Variants in TFR2 observed in about 807,000 individuals in gnomAD.
The protein encoded by TFR2 is transferrin receptor 2.
Under a neutral mutation model 91.9 loss-of-function variants are expected in TFR2, and 64 were observed. The ratio of observed to expected loss-of-function variants is 0.70; its 90% confidence interval spans 0.57 to 0.86. The LOEUF (loss-of-function observed/expected upper bound fraction) is 0.86. Among genes scored for constraint, TFR2 ranks in the 40% least tolerant of loss-of-function variants. The probability of loss-of-function intolerance (pLI) is 0.00; values close to 1 mark genes in which losing one functional copy is unlikely to be tolerated. For synonymous variants in TFR2, 454 were observed against 459.6 expected, an observed-to-expected ratio of 0.99 and a Z score of 0.15; for missense variants, 950 against 1,080.5, an observed-to-expected ratio of 0.88 and a Z score of 1.69.
At position 100,633,317 on chromosome 7, in the gene TFR2, CA is replaced by C; in HGVS notation, c.637del (p.Trp213GlyfsTer65). Reference protein sequence around the residue: ...PDPAHPNTLHWVDEAGKVGEQ... With the variant: ...PDPAHPNTLHXVDEAGKVGEQ... ...TCCGACCTTCCCGGCCTCATCGACCCAGTGCAGGGTGTTGGGGTGAGCCCTG... is the reference window on the plus strand; with the variant it reads ...TCCGACCTTCCCGGCCTCATCGACCCGTGCAGGGTGTTGGGGTGAGCCCTG... On this transcript the variant is annotated frameshift_variant, in exon 5 of 18. Transcript: ENST00000223051. LOFTEE classifies it high-confidence loss of function. 1 of 1,613,582 alleles carries C rather than the reference CA, an allele frequency of 6.2e-7. No homozygotes were observed. Among genetic ancestry groups the C allele is most frequent in the East Asian group, 2.2e-5 (1 of 44,866 alleles).
chr7:100,633,019 C>T lies in TFR2; in HGVS notation c.831G>A (p.Val277=). Residue 277 remains valine (V), a synonymous_variant, in exon 6 of 18, where the codon GTG becomes GTA. Coordinates refer to ENST00000223051, the MANE Select transcript of TFR2 (RefSeq NM_003227.4). ...CACTTACCTTCTGGGCGAAGCTGAT[C>T]ACCCCCACGCGCACCAGCAGCAGGC... The part of the protein sequence containing the change: ...VGRLLLVRVG[V]ISFAQKVTNA... The T allele has an allele frequency of 6.2e-7, 1 of 1,613,808 alleles. No homozygotes were observed. The highest frequency in any genetic ancestry group is 1.1e-5 in the South Asian group (1 of 91,090).
At chr7:100,632,777 CA>C (rs1803485087) in intron 6 of TFR2, 4 of 477,026 alleles carry the variant, frequency 8.4e-6, no homozygotes, top group East Asian at 3.9e-5. Context: ...AGGGGGTTCT[CA>C]CCGTGTTGCC....
intron 3 of TFR2, among the ~76,000 whole-genome samples, chr7:100,637,908 C>G (rs1296639292): frequency 6.6e-6 from 1 of 151,682 alleles, no homozygotes. Flanking sequence ...GTTGACTCAC[C>G]GCAACCTCCG....
At chr7:100,641,358 G>A in intron 1 of TFR2, 119 bp downstream of exon 1, 2 of 1,440,486 alleles carry the variant, frequency 1.4e-6, no homozygotes, top group Non-Finnish European at 1.9e-6. Flanking sequence ...GGAGGGGCAG[G>A]GGTGGGAAGA....
intron 3 of TFR2, chr7:100,640,388 C>T (rs1376518885): frequency 2.4e-6 from 1 of 420,082 alleles, no homozygotes; most frequent in Non-Finnish European, 4.3e-6. Flanking sequence ...GTGAGGCATT[C>T]AAGGCTTTTC....
intron 17 of TFR2, among the ~76,000 whole-genome samples, chr7:100,625,055 TTTTC>T: frequency 8.9e-6 from 1 of 112,434 alleles, no homozygotes; most frequent in South Asian, 2.9e-4. Context: ...TTCTTTTTCT[TTTTC>T]TTTTTTTTTT....
chr7:100,621,586 A>G (rs1267124353), intron 17 of TFR2, among the ~76,000 whole-genome samples: 2 of 152,134 alleles, frequency 1.3e-5, no homozygotes. Flanking sequence ...CTAAGCCTGC[A>G]TGTAGTTCTC....
intron 3 of TFR2, among the ~76,000 whole-genome samples, chr7:100,638,004 T>C (rs990113732): frequency 1.3e-5 from 2 of 151,542 alleles, no homozygotes; most frequent in Non-Finnish European, 2.9e-5. Flanking sequence ...GCTAATTTTG[T>C]ATTTGTTTTG....
intron 6 of TFR2, 140 bp downstream of exon 6, chr7:100,632,861 G>A: frequency 1.4e-6 from 2 of 1,443,254 alleles, no homozygotes; most frequent in South Asian, 1.2e-5. Context: ...GAGAACCATC[G>A]TGCCCAGCTT....
chr7:100,631,347 G>A (rs977207334), intron 8 of TFR2, among the ~76,000 whole-genome samples: 4 of 140,756 alleles, frequency 2.8e-5, no homozygotes, highest in Non-Finnish European at 6.0e-5. Context: ...TCAGGGTCCC[G>A]GCCAGGCATG....
chr7:100,621,823 C>T (rs974939800), intron 17 of TFR2, among the ~76,000 whole-genome samples: 2 of 152,144 alleles, frequency 1.3e-5, no homozygotes, highest in Non-Finnish European at 2.9e-5. Flanking sequence ...CCTGAGACGG[C>T]CTTGCTCCTG....
intron 3 of TFR2, among the ~76,000 whole-genome samples, chr7:100,635,237 G>T (rs1312045388): frequency 6.6e-6 from 1 of 151,110 alleles, no homozygotes; most frequent in African/African-American, 2.4e-5. Flanking sequence ...ATGGCGCCCG[G>T]CCCCTTTTCT....
At chr7:100,621,330 T>G (rs1272574539) in intron 17 of TFR2, among the ~76,000 whole-genome samples, 9 of 152,250 alleles carry the variant, frequency 5.9e-5, no homozygotes, top group African/African-American at 2.2e-4. Context: ...CTCGGCTCAC[T>G]GCAACCTCCG....
rs753609418 is a variant in TFR2, at chr7:100,630,964, G to T, written c.1195C>A (p.Leu399Ile). 6.2e-7 allele frequency: 1 copy of T among 1,612,992 alleles called. No individual in the cohort carries two copies. The highest frequency in any genetic ancestry group is 8.5e-7 in the Non-Finnish European group (1 of 1,179,854). The change falls in exon 9 of 18, where the codon CTA becomes ATA. Residue 399 changes from leucine to isoleucine, a missense_variant. Transcript: ENST00000223051. Reference sequence around the variant, plus strand: ...GAGGTCCTGTGATTGTTGACCACTAGCCGCAGTCGTGGCCCGGGGCCCAGG... The same window carrying T: ...GAGGTCCTGTGATTGTTGACCACTATCCGCAGTCGTGGCCCGGGGCCCAGG... ...YHLGPGPRLR[L>I]VVNNHRTSTP...
At position 100,628,412 on chromosome 7, in the gene TFR2, C is replaced by G. The variant is rs141018429; in HGVS notation, c.1391-106G>C. The G allele has an allele frequency of 1.9e-4, 205 of 1,076,242 alleles. 1 individual carries two copies. The East Asian group carries it at 5.1e-3, about 27-fold the overall frequency. 66.7% of individuals were successfully genotyped at this position (1,076,242 alleles called of 1,614,324 possible). Reference sequence around the variant, plus strand: ...CCAGGGTCTCTGTTTCTCTGTCTCTCTCTCTGAGACAGGATCTCACTCTCT... The same window carrying G: ...CCAGGGTCTCTGTTTCTCTGTCTCTGTCTCTGAGACAGGATCTCACTCTCT... On this transcript the variant is annotated intron_variant, in intron 10 of 17. Transcript: ENST00000223051.
chr7:100,632,936 T>C, intron 6 of TFR2, 65 bp downstream of exon 6: 1 of 1,612,726 alleles, frequency 6.2e-7, no homozygotes, highest in Non-Finnish European at 8.5e-7. Flanking sequence ...CCTGAACGAT[T>C]CTCACTGGCA....
chr7:100,629,413 C>G (rs960761563), intron 9 of TFR2, 41 bp from the exon 10 acceptor site: 5 of 1,611,710 alleles, frequency 3.1e-6, no homozygotes, highest in Non-Finnish European at 4.2e-6. Context: ...GACACTGCAC[C>G]CTGCACCCTG....
At chr7:100,633,165 C>G (rs1439182436) in intron 5 of TFR2, 42 bp from the exon 6 acceptor site, 2 of 1,612,414 alleles carry the variant, frequency 1.2e-6, no homozygotes, top group Non-Finnish European at 1.7e-6. Flanking sequence ...CCGCGTCCCT[C>G]CTTCGAGACC....
Position 100,640,999 on chromosome 7 carries a change from G to C in TFR2, c.263C>G (p.Thr88Arg). Residue 88 changes from threonine to arginine, a missense_variant, in exon 2 of 18, where the codon ACG (threonine) becomes AGG (arginine). Transcript: ENST00000223051. ...GRRAAPYLVL[T>R]ALLIFTGAFL... ...ACCCCCAGTGAAGATCAGCAGGGCC[G>C]TCAGGACCAGGTAGGGGGCAGCCCT... 1 of 1,607,038 alleles carries C rather than the reference G, an allele frequency of 6.2e-7. No homozygotes were observed. Among genetic ancestry groups the C allele is most frequent in the Non-Finnish European group, 8.5e-7 (1 of 1,175,490 alleles).
Sources: allele counts gnomAD v4.1 joint callset (sites outside exome capture counted in the v4.1 genomes callset), GRCh38; gene constraint gnomAD v4.1.1; transcripts MANE v1.5; gene names NCBI Gene and HGNC (gene_info 2026-07-23, HGNC 2026-07-21).